The following FGFR3 variants were observed in gnomAD, a reference collection of about 807,000 sequenced individuals.
FGFR3 encodes fibroblast growth factor receptor 3.
A neutral mutation model predicts 82.9 loss-of-function variants in FGFR3; 25 were observed. The observed-to-expected ratio is 0.30, with a 90% CI of 0.22 to 0.42. The LOEUF is 0.42. FGFR3 is among the 10% of genes least tolerant of loss of function. The pLI is 1.00. For synonymous variants in FGFR3, 620 were observed against 516.0 expected, an observed-to-expected ratio of 1.20 and a Z score of -2.73; for missense variants, 1,026 against 1,161.0, an observed-to-expected ratio of 0.88 and a Z score of 1.69.
Position 1,807,917 on chromosome 4 carries a change from CAT to C in FGFR3, c.*660_*661del, listed in dbSNP as rs550148323. 217 of 275,638 alleles carry C rather than the reference CAT, an allele frequency of 7.9e-4. 4 individuals are homozygous for C. In the South Asian group the frequency reaches 0.015, roughly 19 times the overall value. The allele number at this position is 275,638 out of a possible 1,614,324, so 17.1% of individuals were successfully genotyped here. ...GGTATATATACATATATATATATAA[CAT>C]ATATGGAAGAGGAAAAGGCTGGTAC... On this transcript the variant is annotated 3_prime_UTR_variant, in exon 18 of 18. Coordinates refer to ENST00000440486, the MANE Select transcript of FGFR3 (RefSeq NM_000142.5).
At chr4:1,798,226 C>A (rs549092861) in intron 2 of FGFR3, among the ~76,000 whole-genome samples, 1 of 152,142 alleles carries the variant, frequency 6.6e-6, no homozygotes, top group South Asian at 2.1e-4. Flanking sequence ...GGGCCCCCAC[C>A]CCAGCTTCTC....
In FGFR3 at chr4:1,799,519, G is replaced by A; in HGVS notation, c.375G>A (p.Val125=). The A allele has an allele frequency of 1.3e-6, 2 of 1,554,454 alleles. No homozygotes were observed. Among genetic ancestry groups the A allele is most frequent in the Non-Finnish European group, 1.7e-6 (2 of 1,149,974 alleles). Reference sequence around the variant, plus strand: ...TACTGTGCCACTTCAGTGTGCGGGTGACAGGTGAGCTCTGGGGCCACGCCA... The same window carrying A: ...TACTGTGCCACTTCAGTGTGCGGGTAACAGGTGAGCTCTGGGGCCACGCCA... ...QRVLCHFSVR[V]TDAPSSGDDE... is the part of the protein sequence containing the mutation. Residue 125 remains valine, a synonymous_variant, in exon 3 of 18, where the codon GTG becomes GTA. Transcript: ENST00000440486.
rs765768657 is a variant in FGFR3 at position 1,805,686 on chromosome 4, C to T, written c.1645+17C>T. On this transcript the variant is annotated intron_variant, in intron 12 of 17. Coordinates refer to ENST00000440486, the MANE Select transcript of FGFR3 (RefSeq NM_000142.5). The stretch of plus-strand genomic sequence containing the variant: ...CGCAGGGCGGTAGGTGCGGTAGCGG[C>T]GGTGGTGCCGGCTGGGCGGCCCTCC... 1.9e-5 allele frequency: 31 copies of T among 1,611,084 alleles called. No individual in the cohort carries two copies. The highest frequency in any genetic ancestry group is 9.9e-5 in the South Asian group (9 of 90,924).
Position 1,808,296 on chromosome 4 carries a change from A to T in FGFR3, c.*1034A>T. 4.3e-6 allele frequency: 1 copy of T among 232,804 alleles called. No homozygotes were observed. Among genetic ancestry groups the T allele is most frequent in the East Asian group, 6.1e-5 (1 of 16,516 alleles). The allele number at this position is 232,804 out of a possible 1,614,324, so 14.4% of individuals were successfully genotyped here. On this transcript the variant is annotated 3_prime_UTR_variant, in exon 18 of 18. Transcript: ENST00000440486. ...GAGCTGGAGGATCCCCTCCAAGCCT[A>T]AAAGGTTGTTAATAGTTGGAGGTGA...
rs886042775 is a variant in FGFR3, at chr4:1,799,490, C to T, written c.346C>T (p.Arg116Cys). 1 of 1,570,130 alleles carries T rather than the reference C, an allele frequency of 6.4e-7. No homozygotes were observed. Among genetic ancestry groups the T allele is most frequent in the Non-Finnish European group, 8.6e-7 (1 of 1,158,500 alleles). ...AYSCRQRLTQRVLCHFSVRVT... is the reference protein window; with the variant it reads ...AYSCRQRLTQCVLCHFSVRVT... ...CAGCTGCCGGCAGCGGCTCACGCAG[C>T]GCGTACTGTGCCACTTCAGTGTGCG... is the stretch of plus-strand genomic sequence containing the variant. Residue 116 changes from arginine to cysteine, a missense_variant, in exon 3 of 18, where the codon CGC (arginine) becomes TGC (cysteine). Physicochemically the swap from Arg to Cys is radical, Grantham distance 180. This residue lies in a region of FGFR3 where 226 missense variants were observed against 222.0 expected (regional missense o/e 1.02). Coordinates refer to ENST00000440486, the MANE Select transcript of FGFR3 (RefSeq NM_000142.5).
In FGFR3 at chr4:1,807,813, G is replaced by C. The variant is rs896389388; in HGVS notation, c.*551G>C. ...GAGACTGAAATTACGGGTACCTGAAGATGGGAGCCTTTACCTTTTATGCAA... is the reference window on the plus strand; with the variant it reads ...GAGACTGAAATTACGGGTACCTGAACATGGGAGCCTTTACCTTTTATGCAA... On this transcript the variant is annotated 3_prime_UTR_variant, in exon 18 of 18. Coordinates refer to ENST00000440486, the MANE Select transcript of FGFR3 (RefSeq NM_000142.5). The C allele has an allele frequency of 2.1e-6, 1 of 486,978 alleles. No homozygotes were observed. The highest frequency in any genetic ancestry group is 3.9e-6 in the Non-Finnish European group (1 of 255,820). 30.2% of individuals were successfully genotyped at this position (486,978 alleles called of 1,614,324 possible).
At chr4:1,795,247 G>A (rs1468979194) in intron 2 of FGFR3, among the ~76,000 whole-genome samples, 1 of 151,944 alleles carries the variant, frequency 6.6e-6, no homozygotes. Context: ...GGGTGCCGGA[G>A]GGGCGGCCGC....
At chr4:1,803,601 C>T (rs919929670) in intron 7 of FGFR3, 91 bp from the exon 8 acceptor site, 5 of 1,543,236 alleles carry the variant, frequency 3.2e-6, no homozygotes, top group South Asian at 1.2e-5. Flanking sequence ...CGGCGTTTTC[C>T]TTGCAGCGGC....
rs2108780467 is a variant in FGFR3, at chr4:1,801,420, C to T, written c.499C>T (p.Pro167Ser). 6.4e-7 allele frequency: 1 copy of T among 1,552,680 alleles called. No individual in the cohort carries two copies. Among genetic ancestry groups the T allele is most frequent in the South Asian group, 1.2e-5 (1 of 84,356 alleles). The change falls in exon 5 of 18, where the codon CCG (proline) becomes TCG (serine). Residue 167 changes from proline (P) to serine (S), a missense_variant. By Grantham distance (74) the Pro-to-Ser change is moderately conservative. This residue lies in a region of FGFR3 where 147 missense variants were observed against 228.1 expected (regional missense o/e 0.64). Transcript: ENST00000440486. ...GATGGACAAGAAGCTGCTGGCCGTG[C>T]CGGCCGCCAACACCGTCCGCTTCCG... ...ERMDKKLLAV[P>S]AANTVRFRCP...
Position 1,805,739 on chromosome 4 carries a change from C to T in FGFR3, c.1646-11C>T, listed in dbSNP as rs763302590. ...GGCCTGGCAGCCCGTCTGAGGAGCC[C>T]GTGTCCCCAGGGCCCCTGTACGTGC... On this transcript the variant is annotated splice_polypyrimidine_tract_variant and intron_variant, in intron 12 of 17. Transcript: ENST00000440486. 2.5e-5 allele frequency: 41 copies of T among 1,612,250 alleles called. No homozygotes were observed. The highest frequency in any genetic ancestry group is 4.4e-5 in the South Asian group (4 of 91,054).
intron 2 of FGFR3, among the ~76,000 whole-genome samples, chr4:1,795,386 C>T (rs973496386): frequency 2.0e-5 from 3 of 151,842 alleles, no homozygotes; most frequent in African/African-American, 7.3e-5. Context: ...CCTGCGGGCG[C>T]GCGGGGCCTC....
rs1722126370 is a variant in FGFR3 at position 1,807,587 on chromosome 4, C to T, written c.*325C>T. The T allele has an allele frequency of 1.5e-6, 1 of 683,706 alleles. No homozygotes were observed. The allele number at this position is 683,706 out of a possible 1,614,324, so 42.4% of individuals were successfully genotyped here. ...GTAAGTGGGCCCACCCGGTGGGACC[C>T]CCGTGGGGCAGGGAGCTGGGCCCGA... is the stretch of plus-strand genomic sequence containing the variant. On this transcript the variant is annotated 3_prime_UTR_variant, in exon 18 of 18. Transcript: ENST00000440486.
chr4:1,805,678 G>A lies in FGFR3; in HGVS notation c.1645+9G>A, dbSNP rs376263017. The A allele has an allele frequency of 7.9e-5, 128 of 1,611,956 alleles. 1 individual carries two copies. The highest frequency in any genetic ancestry group is 7.1e-4 in the African/African-American group (53 of 75,032). Reference sequence around the variant, plus strand: ...CGCCTGCACGCAGGGCGGTAGGTGCGGTAGCGGCGGTGGTGCCGGCTGGGC... The same window carrying A: ...CGCCTGCACGCAGGGCGGTAGGTGCAGTAGCGGCGGTGGTGCCGGCTGGGC... On this transcript the variant is annotated intron_variant, in intron 12 of 17. Coordinates refer to ENST00000440486, the MANE Select transcript of FGFR3 (RefSeq NM_000142.5).
chr4:1,803,447 T>C (rs1306109084), intron 7 of FGFR3, among the ~76,000 whole-genome samples: 1 of 152,216 alleles, frequency 6.6e-6, no homozygotes, highest in East Asian at 1.9e-4. Flanking sequence ...ACCCGCATGC[T>C]GCCTGCCCGC....
intron 7 of FGFR3, chr4:1,803,212 C>A: frequency 1.0e-6 from 1 of 994,058 alleles, no homozygotes; most frequent in Non-Finnish European, 1.4e-6. Context: ...GCTGGCAGCT[C>A]CAGCCTCCAC....
At chr4:1,797,088 AG>A (rs1227557358) in intron 2 of FGFR3, among the ~76,000 whole-genome samples, 1 of 152,168 alleles carries the variant, frequency 6.6e-6, no homozygotes, top group Non-Finnish European at 1.5e-5. Flanking sequence ...TGGGTACAGC[AG>A]GAGTTTTGTC....
chr4:1,803,544 C>T (rs1275919677), intron 7 of FGFR3, 148 bp from the exon 8 acceptor site: 2 of 1,381,450 alleles, frequency 1.4e-6, no homozygotes, highest in East Asian at 5.0e-5. Flanking sequence ...GGGCCCTCAG[C>T]CGCGTGGCGG....
chr4:1,797,103 A>G (rs1458641203), intron 2 of FGFR3, among the ~76,000 whole-genome samples: 1 of 152,146 alleles, frequency 6.6e-6, no homozygotes, highest in African/African-American at 2.4e-5. Flanking sequence ...TTTTGTCTCC[A>G]ACGTGTTTGG....
chr4:1,801,069 C>T (rs571746755), intron 4 of FGFR3, among the ~76,000 whole-genome samples: 5 of 152,318 alleles, frequency 3.3e-5, no homozygotes, highest in Admixed American at 6.5e-5. Flanking sequence ...TGGGCCTGGC[C>T]CTGGCACGCC....
Sources: allele counts gnomAD v4.1 joint callset (sites outside exome capture counted in the v4.1 genomes callset), GRCh38; gene constraint gnomAD v4.1.1; regional missense constraint gnomAD v4.1.1; transcripts MANE v1.5; gene names NCBI Gene and HGNC (gene_info 2026-07-23, HGNC 2026-07-21).